Variants in SEMA4D observed in about 807,000 individuals in gnomAD.
The protein encoded by SEMA4D is semaphorin 4D.
In SEMA4D, 22 loss-of-function variants were observed where a neutral mutation model predicts 74.8. The observed-to-expected ratio is 0.29, with a 90% CI of 0.21 to 0.42. The LOEUF (loss-of-function observed/expected upper bound fraction) is 0.42, where lower values mean the gene tolerates loss of function less well. Among genes scored for constraint, SEMA4D ranks in the 10% least tolerant of loss-of-function variants. The pLI, the probability that SEMA4D is intolerant of heterozygous loss-of-function variation, is 1.00. For missense variants in SEMA4D, 937 were observed against 1,118.4 expected (o/e 0.84, Z 2.31); for synonymous variants, 445 against 463.7 (o/e 0.96, Z 0.52).
At chr9:89,431,547 C>A (rs1341444793) in intron 2 of SEMA4D, among the ~76,000 whole-genome samples, 2 of 152,226 alleles carry the variant, frequency 1.3e-5, no homozygotes, top group Non-Finnish European at 2.9e-5. Context: ...ACTAAGGCTG[C>A]AATGCAACGG....
At chr9:89,375,001 C>G (rs1473970916), downstream of SEMA4D, among the ~76,000 whole-genome samples, 1 of 152,190 alleles carries the variant, frequency 6.6e-6, no homozygotes, top group African/African-American at 2.4e-5. Flanking sequence ...TGCAGTGAGC[C>G]AAGATCGTGC....
At chr9:89,427,914 G>T (rs1432886587) in intron 2 of SEMA4D, among the ~76,000 whole-genome samples, 2 of 152,204 alleles carry the variant, frequency 1.3e-5, no homozygotes, top group African/African-American at 4.8e-5. Flanking sequence ...CAGGAGGGGG[G>T]CTACCTGGCC....
At chr9:89,464,266 A>G (rs1321486395) in intron 1 of SEMA4D, among the ~76,000 whole-genome samples, 1 of 152,226 alleles carries the variant, frequency 6.6e-6, no homozygotes, top group Admixed American at 6.5e-5. Context: ...TGTAAATTGA[A>G]TTATTTCACC....
chr9:89,386,625 G>A, intron 12 of SEMA4D, 143 bp from the exon 13 acceptor site: 7 of 586,906 alleles, frequency 1.2e-5, no homozygotes, highest in Admixed American at 3.3e-5. Flanking sequence ...TTTCGCATTA[G>A]AAACAAAAAA....
At chr9:89,399,093 A>G (rs1841635976) in intron 5 of SEMA4D, among the ~76,000 whole-genome samples, 183 bp downstream of exon 5, 1 of 152,200 alleles carries the variant, frequency 6.6e-6, no homozygotes, top group Non-Finnish European at 1.5e-5. Context: ...GAGAAACCCA[A>G]TCCTGATACT....
downstream of SEMA4D, among the ~76,000 whole-genome samples, chr9:89,375,363 G>A (rs1835647436): frequency 2.0e-5 from 3 of 152,288 alleles, no homozygotes; most frequent in Middle Eastern, 6.8e-3. Context: ...ACCCAGTGGA[G>A]GGCAGGAACC....
At chr9:89,451,442 G>A (rs1317609971) in intron 2 of SEMA4D, among the ~76,000 whole-genome samples, 1 of 152,126 alleles carries the variant, frequency 6.6e-6, no homozygotes, top group Non-Finnish European at 1.5e-5. Flanking sequence ...CCTTTTCTCT[G>A]GAGTCAATGG....
chr9:89,371,401 GTGTC>G (rs1382398386), intron 16 of SEMA4D, among the ~76,000 whole-genome samples: 8 of 128,510 alleles, frequency 6.2e-5, no homozygotes, highest in Non-Finnish European at 8.4e-5. Context: ...GGTGTGGTGT[GTGTC>G]TGGGGTGTGG....
chr9:89,427,621 C>T (rs1242240900), intron 2 of SEMA4D, among the ~76,000 whole-genome samples: 1 of 152,236 alleles, frequency 6.6e-6, no homozygotes, highest in Non-Finnish European at 1.5e-5. Context: ...GGAACCCCCT[C>T]TCCACCCCCC....
intron 2 of SEMA4D, among the ~76,000 whole-genome samples, chr9:89,425,168 C>T (rs1039130451): frequency 6.6e-6 from 1 of 152,200 alleles, no homozygotes; most frequent in African/African-American, 2.4e-5. Context: ...AACTGGCCTG[C>T]ATCCACCAGA....
chr9:89,365,851 C>T (rs117151482), intron 16 of SEMA4D, among the ~76,000 whole-genome samples: 209 of 152,264 alleles, frequency 1.4e-3, no homozygotes, highest in Middle Eastern at 3.4e-3. Context: ...AAGAAGAGAT[C>T]GCCAGTTTAA....
chr9:89,484,294 G>A lies in SEMA4D; in HGVS notation c.-310+13625C>T, dbSNP rs1015950417. On this transcript the variant is annotated intron_variant, in intron 1 of 15. Transcript: ENST00000422704. This position sits in a 1 kb window ranked among gnomAD's most constrained non-coding sequence, Gnocchi z 4.1. ...TCTGGGAACAAGGCACGCATGACCA[G>A]TCTAGGAAAAGTGTGCAAAGCTCTC... 6.6e-6 allele frequency among the ~76,000 whole-genome samples: 1 copy of A among 152,248 alleles called. No homozygotes were observed. Among genetic ancestry groups the A allele is most frequent in the African/African-American group, 2.4e-5 (1 of 41,460 alleles).
intron 2 of SEMA4D, among the ~76,000 whole-genome samples, chr9:89,435,980 G>A (rs762002657): frequency 7.2e-5 from 11 of 152,148 alleles, no homozygotes; most frequent in Admixed American, 2.0e-4. Context: ...CCAAGGAAGC[G>A]CCCCCGCTGC....
chr9:89,461,429 T>A (rs1175984715), intron 1 of SEMA4D, among the ~76,000 whole-genome samples: 2 of 151,980 alleles, frequency 1.3e-5, no homozygotes, highest in East Asian at 3.9e-4. Flanking sequence ...GCACTCGGGC[T>A]CCAAATTGTA....
intron 2 of SEMA4D, among the ~76,000 whole-genome samples, chr9:89,446,354 T>G (rs940195168): frequency 2.0e-5 from 3 of 152,126 alleles, no homozygotes; most frequent in African/African-American, 7.2e-5. Flanking sequence ...AAAGTCACCC[T>G]CTCAGGCTCC....
intron 2 of SEMA4D, among the ~76,000 whole-genome samples, chr9:89,438,823 GC>G (rs1243085167): frequency 6.6e-6 from 1 of 151,442 alleles, no homozygotes; most frequent in Non-Finnish European, 1.5e-5. Flanking sequence ...ATACCATCAC[GC>G]CCGGCTAATT....
chr9:89,444,738 T>C (rs964000807), intron 2 of SEMA4D, among the ~76,000 whole-genome samples: 2 of 152,078 alleles, frequency 1.3e-5, no homozygotes, highest in African/African-American at 4.8e-5. Context: ...CATGTAATCT[T>C]CTTAACAAAC....
rs147724222 is a variant in SEMA4D at position 89,477,711 on chromosome 9, T to C, written c.-310+20208A>G. Among the ~76,000 whole-genome samples the C allele has an allele frequency of 4.6e-3, 699 of 152,320 alleles. 5 individuals carry two copies. Among genetic ancestry groups the C allele is most frequent in the African/African-American group, 0.016 (659 of 41,570 alleles). Reference sequence around the variant, plus strand: ...AGAGAAAAAAATTCAGAAAGGCAGGTTGTTTATGGCATTTACCCAGCACAA... The same window carrying C: ...AGAGAAAAAAATTCAGAAAGGCAGGCTGTTTATGGCATTTACCCAGCACAA... On this transcript the variant is annotated intron_variant, in intron 1 of 15. Transcript: ENST00000422704.
At chr9:89,383,698 G>A (rs1197539244) in intron 13 of SEMA4D, among the ~76,000 whole-genome samples, 2 of 152,190 alleles carry the variant, frequency 1.3e-5, no homozygotes, top group Non-Finnish European at 2.9e-5. Flanking sequence ...TGTGGAGCTA[G>A]GTGGGGGCGC....
Sources: gnomAD v4.1 joint callset for allele counts (sites outside exome capture counted in the v4.1 genomes callset) on GRCh38, gnomAD v4.1.1 for gene constraint, Gnocchi (gnomAD v3.1) non-coding constraint, MANE v1.5 for transcripts, NCBI Gene and HGNC (gene_info 2026-07-23, HGNC 2026-07-21) for gene names.